RBFOX3: variants seen among roughly 807,000 people sequenced by gnomAD.
RBFOX3 encodes the protein RNA binding fox-1 homolog 3.
RBFOX3 carries 17 observed loss-of-function variants against 48.7 expected under a neutral mutation model. The ratio of observed to expected loss-of-function variants is 0.35; its 90% CI spans 0.24 to 0.52. The LOEUF (loss-of-function observed/expected upper bound fraction) is 0.52. Among genes scored for constraint, RBFOX3 ranks in the 20% least tolerant of loss-of-function variants. The probability of loss-of-function intolerance (pLI) is 0.94; values close to 1 mark genes in which losing one functional copy is unlikely to be tolerated. For synonymous variants in RBFOX3, 212 were observed against 209.5 expected (o/e 1.01, Z -0.10); for missense variants, 382 against 497.5 (o/e 0.77, Z 2.21).
intron 4 of RBFOX3, among the ~76,000 whole-genome samples, chr17:79,148,779 C>T (rs535646226): frequency 9.8e-5 from 15 of 152,320 alleles, no homozygotes; most frequent in African/African-American, 2.4e-4. Context: ...CCGACCCCGC[C>T]GGGGCTCCCT....
At chr17:79,463,083 A>C (rs1226245401) in intron 2 of RBFOX3, among the ~76,000 whole-genome samples, 411 of 32,430 alleles carry the variant, frequency 0.013, no homozygotes, top group African/African-American at 0.02. Context: ...ACCTCCACCG[A>C]CTTTGCCACT....
chr17:79,408,616 G>A (rs1167796421), intron 2 of RBFOX3, among the ~76,000 whole-genome samples: 2 of 152,212 alleles, frequency 1.3e-5, no homozygotes, highest in Non-Finnish European at 2.9e-5. Context: ...ATGGAAGGCA[G>A]GTCCCTAGGA....
chr17:79,505,975 G>C (rs1055559657), intron 1 of RBFOX3, among the ~76,000 whole-genome samples: 59 of 152,324 alleles, frequency 3.9e-4, no homozygotes, highest in African/African-American at 1.4e-3. Flanking sequence ...CTCCTAAGTG[G>C]CTACAGGTGG....
At chr17:79,169,910 A>G (rs1216131173) in intron 4 of RBFOX3, among the ~76,000 whole-genome samples, 1 of 152,076 alleles carries the variant, frequency 6.6e-6, no homozygotes, top group Non-Finnish European at 1.5e-5. Context: ...AGGAAAGGAA[A>G]TGAAGAGAGG....
At position 79,391,193 on chromosome 17, in the gene RBFOX3, C is replaced by T. The variant is rs1362312341; in HGVS notation, c.-174-83369G>A. ...TCACTACCACTGTATCAAACTCCAG[C>T]TTCTCTTCAACCGTCAGCGACTTCC... On this transcript the variant is annotated intron_variant, in intron 2 of 14. Transcript: ENST00000693108. This position sits in a 1 kb window ranked among gnomAD's most constrained non-coding sequence, Gnocchi z 5.0. Among the ~76,000 whole-genome samples, 2 of 152,228 alleles carry T rather than the reference C, an allele frequency of 1.3e-5. No homozygotes were observed. The highest frequency in any genetic ancestry group is 3.9e-4 in the East Asian group (2 of 5,140).
intron 4 of RBFOX3, among the ~76,000 whole-genome samples, chr17:79,179,598 G>C (rs919257856): frequency 4.6e-5 from 7 of 151,172 alleles, no homozygotes; most frequent in Non-Finnish European, 7.4e-5. Context: ...GCCATTTACT[G>C]GCTTGCAATA....
chr17:79,188,027 C>T (rs888454279), intron 4 of RBFOX3, among the ~76,000 whole-genome samples: 6 of 152,226 alleles, frequency 3.9e-5, no homozygotes, highest in Admixed American at 1.3e-4. Context: ...TTGTTCTGGC[C>T]TGTTTAATCT....
At chr17:79,172,423 G>C (rs2049539263) in intron 4 of RBFOX3, among the ~76,000 whole-genome samples, 1 of 152,220 alleles carries the variant, frequency 6.6e-6, no homozygotes, top group South Asian at 2.1e-4. Context: ...GAGGGGACCG[G>C]TCTGAGTCTG....
At chr17:79,580,261 C>T (rs1380989750) in intron 1 of RBFOX3, among the ~76,000 whole-genome samples, 1 of 125,614 alleles carries the variant, frequency 8.0e-6, no homozygotes, top group African/African-American at 3.0e-5. Context: ...CTCCTCCCCC[C>T]GTCCTCCTCC....
chr17:79,106,875 GC>G, intron 5 of RBFOX3, 87 bp from the exon 6 acceptor site: 1 of 1,319,006 alleles, frequency 7.6e-7, no homozygotes, highest in South Asian at 1.5e-5. Flanking sequence ...GAGTCTAAAG[GC>G]CAGATTCTCC....
chr17:79,230,749 T>C (rs1445716948), intron 4 of RBFOX3, among the ~76,000 whole-genome samples: 1 of 152,028 alleles, frequency 6.6e-6, no homozygotes, highest in Non-Finnish European at 1.5e-5. Context: ...TCACGAGTGC[T>C]TCTGACAGCC....
At chr17:79,379,380 G>A (rs566206338) in intron 2 of RBFOX3, among the ~76,000 whole-genome samples, 7 of 152,234 alleles carry the variant, frequency 4.6e-5, no homozygotes, top group South Asian at 2.1e-4. Flanking sequence ...TGGAAAAGTC[G>A]AAGAAGGGGT....
chr17:79,351,737 C>G (rs1010268789), intron 2 of RBFOX3, among the ~76,000 whole-genome samples: 1 of 152,172 alleles, frequency 6.6e-6, no homozygotes, highest in African/African-American at 2.4e-5. Flanking sequence ...GTTTTAAACT[C>G]TCATCTGAGA....
chr17:79,269,120 GAT>G (rs1376646129), intron 3 of RBFOX3, among the ~76,000 whole-genome samples: 1 of 147,490 alleles, frequency 6.8e-6, no homozygotes, highest in African/African-American at 2.4e-5. Flanking sequence ...GGACACAAAA[GAT>G]AGAGACGTGC....
At chr17:79,452,112 G>T (rs945988874) in intron 2 of RBFOX3, among the ~76,000 whole-genome samples, 1 of 152,214 alleles carries the variant, frequency 6.6e-6, no homozygotes, top group Non-Finnish European at 1.5e-5. Flanking sequence ...GGAGAAGGAA[G>T]TTGCTGGAAG....
intron 1 of RBFOX3, among the ~76,000 whole-genome samples, chr17:79,585,034 G>C (rs989799621): frequency 6.6e-5 from 10 of 151,954 alleles, no homozygotes; most frequent in African/African-American, 2.4e-4. Context: ...CAAAGCGCTG[G>C]GATTACAGGC....
intron 3 of RBFOX3, among the ~76,000 whole-genome samples, chr17:79,246,726 T>A (rs546918050): frequency 6.6e-6 from 1 of 152,096 alleles, no homozygotes; most frequent in Non-Finnish European, 1.5e-5. Context: ...TGGAAACTCT[T>A]TGAGACCTGA....
chr17:79,629,665 G>T, the RBFOX3 span, among the ~76,000 whole-genome samples: 1 of 152,120 alleles, frequency 6.6e-6, no homozygotes, highest in African/African-American at 2.4e-5. Flanking sequence ...GAGAAACTCA[G>T]GAACAAACAC....
At chr17:79,641,320 G>A in the RBFOX3 span, among the ~76,000 whole-genome samples, 6 of 152,194 alleles carry the variant, frequency 3.9e-5, no homozygotes, top group Non-Finnish European at 8.8e-5. Context: ...GCAAGGATGC[G>A]AAGAAAAGGG....
Sources: gnomAD v4.1 joint callset for allele counts (sites outside exome capture counted in the v4.1 genomes callset) on GRCh38, gnomAD v4.1.1 for gene constraint, Gnocchi (gnomAD v3.1) non-coding constraint, MANE v1.5 for transcripts, NCBI Gene and HGNC (gene_info 2026-07-23, HGNC 2026-07-21) for gene names.